The following TNRC18 variants were observed in gnomAD, a reference collection of about 807,000 sequenced individuals.
TNRC18 encodes trinucleotide repeat containing 18.
In TNRC18, 69 loss-of-function variants were observed where a neutral mutation model predicts 226.7. The ratio of observed to expected loss-of-function variants is 0.30; its 90% CI spans 0.25 to 0.37. The LOEUF is 0.37. TNRC18 is among the 10% of genes least tolerant of loss of function. TNRC18 has a pLI of 1.00. For synonymous variants in TNRC18, 2,449 were observed against 1,927.6 expected (o/e 1.27, Z -7.09); for missense variants, 4,754 against 4,256.6 (o/e 1.12, Z -3.25).
At chr7:5,404,432 C>A (rs1438529878) in intron 2 of TNRC18, among the ~76,000 whole-genome samples, 1 of 152,156 alleles carries the variant, frequency 6.6e-6, no homozygotes, top group Non-Finnish European at 1.5e-5. Flanking sequence ...TAAACTCCAT[C>A]GAAATTTCAA....
chr7:5,408,360 T>C lies in TNRC18; in HGVS notation c.187+12700A>G, dbSNP rs185186979. ...GGAGAGAAGTGGAAAGGAGGAAACA[T>C]CCCCCTGGCCAGGCGCATAGCTCAC... On this transcript the variant is annotated intron_variant, in intron 2 of 29. Transcript: ENST00000430969. Among the ~76,000 whole-genome samples the C allele has an allele frequency of 2.4e-3, 359 of 147,574 alleles. 1 individual carries two copies. The highest frequency in any genetic ancestry group is 4.5e-3 in the Admixed American group (66 of 14,718).
chr7:5,309,472 T>C lies in TNRC18; in HGVS notation c.8389-104A>G, dbSNP rs765517710. The C allele has an allele frequency of 5.1e-5, 49 of 952,012 alleles. No homozygotes were observed. The highest frequency in any genetic ancestry group is 7.4e-5 in the Non-Finnish European group (47 of 638,878). The allele number at this position is 952,012 out of a possible 1,614,324, so 59.0% of individuals were successfully genotyped here. A position where few individuals can be genotyped will look rare whatever the true frequency, so the allele number is the denominator to read the frequency against. On this transcript the variant is annotated intron_variant, in intron 27 of 29. Coordinates refer to ENST00000430969, the MANE Select transcript of TNRC18 (RefSeq NM_001080495.3). This position sits in a 1 kb window ranked among gnomAD's most constrained non-coding sequence, Gnocchi z 5.7. ...GGACTCTGGGCCCTCGGCCTCTAAA[T>C]CAACCCCTATCCAACTGTGGGGAGA...
At chr7:5,417,414 G>A (rs1782260092) in intron 2 of TNRC18, among the ~76,000 whole-genome samples, 1 of 152,024 alleles carries the variant, frequency 6.6e-6, no homozygotes, top group African/African-American at 2.4e-5. Context: ...AGGTTGCAAT[G>A]AGCTGAGATC....
intron 2 of TNRC18, among the ~76,000 whole-genome samples, chr7:5,414,127 A>T (rs1278838163): frequency 4.0e-5 from 6 of 151,464 alleles, no homozygotes; most frequent in African/African-American, 1.2e-4. Flanking sequence ...CTGTATTTTT[A>T]GTAGAGATGG....
chr7:5,345,517 G>GTCCCCCC, intron 18 of TNRC18, 45 bp downstream of exon 18: 15 of 377,744 alleles, frequency 4.0e-5, no homozygotes, highest in South Asian at 2.2e-4. Flanking sequence ...AATGGCGTCC[G>GTCCCCCC]CCCCTCCCAC....
chr7:5,376,996 A>G lies in TNRC18; in HGVS notation c.2462-3T>C. ...GTGCAGAGATGGGGGACCCAAGCCTAGGAGGAGAAGCCCAGGCCTGAGTCA... is the reference window on the plus strand; with the variant it reads ...GTGCAGAGATGGGGGACCCAAGCCTGGGAGGAGAAGCCCAGGCCTGAGTCA... On this transcript the variant is annotated splice_region_variant and splice_polypyrimidine_tract_variant and intron_variant, in intron 7 of 29. Coordinates refer to ENST00000430969, the MANE Select transcript of TNRC18 (RefSeq NM_001080495.3). 6.4e-7 allele frequency: 1 copy of G among 1,574,186 alleles called. No individual in the cohort carries two copies. Among genetic ancestry groups the G allele is most frequent in the Non-Finnish European group, 8.6e-7 (1 of 1,160,394 alleles).
rs981547029 is a variant in TNRC18 at position 5,309,904 on chromosome 7, T to C, written c.8389-536A>G. Among the ~76,000 whole-genome samples the C allele has an allele frequency of 6.6e-6, 1 of 152,166 alleles. No homozygotes were observed. Among genetic ancestry groups the C allele is most frequent in the African/African-American group, 2.4e-5 (1 of 41,452 alleles). Reference sequence around the variant, plus strand: ...GTGTCAGCCACTGCACCTGGCCTTATTTTTCTTTTGAAAATTACTTTTTTC... The same window carrying C: ...GTGTCAGCCACTGCACCTGGCCTTACTTTTCTTTTGAAAATTACTTTTTTC... On this transcript the variant is annotated intron_variant, in intron 27 of 29. Transcript: ENST00000430969. This position sits in a 1 kb window ranked among gnomAD's most constrained non-coding sequence, Gnocchi z 5.7.
In TNRC18 at chr7:5,370,538, G is replaced by A. The variant is rs1356972253; in HGVS notation, c.4056C>T (p.Pro1352=). 4 of 1,605,414 alleles carry A rather than the reference G, an allele frequency of 2.5e-6. No homozygotes were observed. The highest frequency in any genetic ancestry group is 1.3e-5 in the African/African-American group (1 of 74,750). ...CCGGGGAGGGCAGAGGCCTGGCCTGGGGCAGCTCCGCAGCTGCCGCCAGGG... is the reference window on the plus strand; with the variant it reads ...CCGGGGAGGGCAGAGGCCTGGCCTGAGGCAGCTCCGCAGCTGCCGCCAGGG... ...MNALAAAAEL[P]QARPLPSPGA... is the part of the protein sequence containing the mutation. The change falls in exon 11 of 30, where the codon CCC becomes CCT. Residue 1352 remains proline (P), a synonymous_variant. Transcript: ENST00000430969.
intron 29 of TNRC18, 35 bp from the exon 30 acceptor site, chr7:5,308,347 G>GA: frequency 6.3e-7 from 1 of 1,581,896 alleles, no homozygotes; most frequent in Non-Finnish European, 8.6e-7. Flanking sequence ...ATGGCAGGTG[G>GA]GGGGCACAGA....
chr7:5,357,147 TC>T lies in TNRC18; in HGVS notation c.4962del (p.Lys1655AsnfsTer12). 2 of 1,576,446 alleles carry T rather than the reference TC, an allele frequency of 1.3e-6. No homozygotes were observed. Among genetic ancestry groups the T allele is most frequent in the Non-Finnish European group, 8.6e-7 (1 of 1,160,282 alleles). On this transcript the variant is annotated frameshift_variant, in exon 16 of 30. Transcript: ENST00000430969. LOFTEE classifies it high-confidence loss of function. Reference protein sequence around the residue: ...SPFKFSDSAGGKSKTSGGCGR... With the variant: ...SPFKFSDSAGXKSKTSGGCGR... Reference sequence around the variant, plus strand: ...CCGCAGCCCCCGCTAGTTTTCGATTTCCCCCCAGCACTGTCCGAAAACTTGA... The same window carrying T: ...CCGCAGCCCCCGCTAGTTTTCGATTTCCCCCAGCACTGTCCGAAAACTTGA...
intron 16 of TNRC18, among the ~76,000 whole-genome samples, chr7:5,352,396 C>G (rs2128147731): frequency 6.6e-6 from 1 of 152,278 alleles, no homozygotes; most frequent in East Asian, 1.9e-4. Flanking sequence ...TTTCCGGGCA[C>G]CGGAGGATGA....
At chr7:5,345,420 G>A in intron 18 of TNRC18, 142 bp downstream of exon 18, 1 of 820,382 alleles carries the variant, frequency 1.2e-6, no homozygotes, top group Non-Finnish European at 1.9e-6. Context: ...ATCAGCACGG[G>A]GCTGGCCCAC....
chr7:5,358,048 AATCAAG>A (rs1792636976), intron 15 of TNRC18, among the ~76,000 whole-genome samples: 1 of 152,174 alleles, frequency 6.6e-6, no homozygotes, highest in Non-Finnish European at 1.5e-5. Context: ...GGAGGAAAGG[AATCAAG>A]ATCAAAAACC....
chr7:5,359,696 G>T, intron 14 of TNRC18, 127 bp from the exon 15 acceptor site: 2 of 978,164 alleles, frequency 2.0e-6, no homozygotes, highest in Non-Finnish European at 3.1e-6. Context: ...CAGAGTGACG[G>T]GCGTGGGGAG....
chr7:5,314,563 CTTTT>C (rs67183154), intron 26 of TNRC18, among the ~76,000 whole-genome samples: 5 of 79,694 alleles, frequency 6.3e-5, no homozygotes, highest in Non-Finnish European at 9.4e-5. Flanking sequence ...GAGTTCTCTT[CTTTT>C]TTTTTTTTTT....
intron 18 of TNRC18, among the ~76,000 whole-genome samples, chr7:5,344,485 G>A (rs561426887): frequency 2.0e-5 from 3 of 152,324 alleles, no homozygotes; most frequent in Admixed American, 2.0e-4. Context: ...GGGGAAGGCA[G>A]GGTCTGGAGC....
chr7:5,417,278 G>A (rs997824014), intron 2 of TNRC18, among the ~76,000 whole-genome samples: 9 of 152,232 alleles, frequency 5.9e-5, no homozygotes, highest in South Asian at 2.1e-4. Flanking sequence ...CACCAGCCGG[G>A]GCAACATAGC....
In TNRC18 at chr7:5,370,445, G is replaced by A; in HGVS notation, c.4149C>T (p.Phe1383=). The change falls in exon 11 of 30, where the codon TTC becomes TTT. Residue 1383 remains phenylalanine (F), a synonymous_variant. Coordinates refer to ENST00000430969, the MANE Select transcript of TNRC18 (RefSeq NM_001080495.3). ...CACTTAGCAGGGTGATGCCATGCAG[G>A]AAGCTCTGCTCCAAGACAAGGCTCT... ...AAESLVLEQS[F]LHGITLLSEI... The A allele has an allele frequency of 2.6e-6, 4 of 1,562,570 alleles. No individual in the cohort carries two copies. Among genetic ancestry groups the A allele is most frequent in the Non-Finnish European group, 3.5e-6 (4 of 1,153,036 alleles).
At chr7:5,392,510 A>T (rs1389663117) in intron 3 of TNRC18, among the ~76,000 whole-genome samples, 1 of 152,188 alleles carries the variant, frequency 6.6e-6, no homozygotes, top group Admixed American at 6.5e-5. Context: ...GCTACTCAGG[A>T]GGCTGAGGCA....
Sources: gnomAD v4.1 joint callset for allele counts (sites outside exome capture counted in the v4.1 genomes callset) on GRCh38, gnomAD v4.1.1 for gene constraint, Gnocchi (gnomAD v3.1) non-coding constraint, MANE v1.5 for transcripts, NCBI Gene and HGNC (gene_info 2026-07-23, HGNC 2026-07-21) for gene names.